Variants in CARMIL1 observed in about 807,000 individuals in gnomAD.
CARMIL1 encodes the protein F-actin-uncapping protein LRRC16A.
Under a neutral mutation model 177.1 loss-of-function variants are expected in CARMIL1, and 90 were observed. That is an observed-to-expected ratio of 0.51 (90% CI 0.43 to 0.61). The LOEUF is 0.61. CARMIL1 is among the 20% of genes least tolerant of loss of function. The pLI, the probability that CARMIL1 is intolerant of heterozygous loss-of-function variation, is 0.00. For missense variants in CARMIL1, 1,380 were observed against 1,667.0 expected, an observed-to-expected ratio of 0.83 and a Z score of 3.00; for synonymous variants, 577 against 606.2, an observed-to-expected ratio of 0.95 and a Z score of 0.71.
chr6:25,466,611 C>T (rs1156730300), intron 9 of CARMIL1, among the ~76,000 whole-genome samples: 1 of 152,146 alleles, frequency 6.6e-6, no homozygotes, highest in Non-Finnish European at 1.5e-5. Flanking sequence ...TATATGTTTT[C>T]CTGGAGACTC....
intron 36 of CARMIL1, among the ~76,000 whole-genome samples, chr6:25,613,217 C>T (rs1047373159): frequency 3.3e-5 from 5 of 152,118 alleles, no homozygotes; most frequent in Non-Finnish European, 7.3e-5. Context: ...TATATCTTTA[C>T]TCTCCTGTTA....
chr6:25,311,694 T>A, intron 2 of CARMIL1, among the ~76,000 whole-genome samples: 1 of 148,556 alleles, frequency 6.7e-6, no homozygotes, highest in Non-Finnish European at 1.5e-5. Flanking sequence ...CCCCCCAACC[T>A]GCAAAGGTAC....
intron 3 of CARMIL1, chr6:25,420,376 C>T (rs916637434): frequency 1.8e-6 from 1 of 555,388 alleles, no homozygotes. Context: ...CCCAGAAGCA[C>T]CTAAAGGCTG....
chr6:25,573,407 T>A (rs997852555), intron 29 of CARMIL1, among the ~76,000 whole-genome samples: 23 of 152,076 alleles, frequency 1.5e-4, no homozygotes, highest in African/African-American at 5.3e-4. Context: ...ACACACCTGT[T>A]TCTATTCTAA....
rs879931159 is a variant in CARMIL1, at chr6:25,290,787, AC to A, written c.138+5885del. Among the ~76,000 whole-genome samples the A allele has an allele frequency of 1.9e-3, 291 of 150,658 alleles. 1 individual carries two copies. Among genetic ancestry groups the A allele is most frequent in the Non-Finnish European group, 3.6e-3 (246 of 67,630 alleles). On this transcript the variant is annotated intron_variant, in intron 2 of 36. Transcript: ENST00000329474. ...CTTTTGAAAAGTTAATCTGAAATCC[AC>A]CCCCCCGGCCCCTGAACGACAGGGT...
At position 25,463,205 on chromosome 6, in the gene CARMIL1, T is replaced by C. The variant is rs539578547; in HGVS notation, c.615-2668T>C. Among the ~76,000 whole-genome samples the C allele has an allele frequency of 2.0e-5, 3 of 152,344 alleles. No individual in the cohort carries two copies. In the East Asian group the frequency reaches 5.8e-4, roughly 29 times the overall value. ...AATATCACCTTGAATGCTAACAAGG[T>C]ATCCTTATGACATTTGGCTATATTT... On this transcript the variant is annotated intron_variant, in intron 8 of 36. Coordinates refer to ENST00000329474, the MANE Select transcript of CARMIL1 (RefSeq NM_017640.6).
At chr6:25,337,189 A>G (rs1030714382) in intron 2 of CARMIL1, among the ~76,000 whole-genome samples, 18 of 152,240 alleles carry the variant, frequency 1.2e-4, no homozygotes, top group African/African-American at 3.9e-4. Context: ...CCTTATTGCC[A>G]TACAGCTCTC....
intron 2 of CARMIL1, among the ~76,000 whole-genome samples, chr6:25,371,226 G>A (rs919531389): frequency 2.0e-5 from 3 of 152,150 alleles, no homozygotes; most frequent in East Asian, 1.9e-4. Flanking sequence ...ATGTGTGCAC[G>A]TGTCTTTTTG....
rs1376616098 is a variant in CARMIL1, at chr6:25,290,376, T to TC, written c.138+5467_138+5468insC. On this transcript the variant is annotated intron_variant, in intron 2 of 36. Coordinates refer to ENST00000329474, the MANE Select transcript of CARMIL1 (RefSeq NM_017640.6). ...TCCCAAAGTGCTGGGATTCTTTTTT[T>TC]TTTTTTTTTTTTTTTTGAGAACTAA... Among the ~76,000 whole-genome samples, 4 of 141,608 alleles carry TC rather than the reference T, an allele frequency of 2.8e-5. 1 individual carries two copies. The highest frequency in any genetic ancestry group is 1.0e-4 in the African/African-American group (4 of 39,214). The allele number at this position is 141,608 out of a possible 152,430, so 92.9% of individuals were successfully genotyped here. A position where few individuals can be genotyped will look rare whatever the true frequency, so the allele number is the denominator to read the frequency against.
intron 23 of CARMIL1, among the ~76,000 whole-genome samples, chr6:25,528,081 A>G (rs1807342412): frequency 6.6e-6 from 1 of 152,188 alleles, no homozygotes. Flanking sequence ...TATTTATTGC[A>G]TATTCTTCTT....
intron 2 of CARMIL1, among the ~76,000 whole-genome samples, chr6:25,384,792 A>G (rs1210880110): frequency 6.6e-6 from 1 of 152,248 alleles, no homozygotes; most frequent in Non-Finnish European, 1.5e-5. Flanking sequence ...TATAAATTCT[A>G]TAATCATTGC....
At chr6:25,525,825 G>A (rs113822698) in intron 23 of CARMIL1, among the ~76,000 whole-genome samples, 2,925 of 152,164 alleles carry the variant, frequency 0.019, 72 homozygotes, top group African/African-American at 0.058. Context: ...TATAATTGAT[G>A]AACTAGGAAA....
At chr6:25,314,521 CA>C (rs1273983786) in intron 2 of CARMIL1, among the ~76,000 whole-genome samples, 1 of 120,012 alleles carries the variant, frequency 8.3e-6, no homozygotes, top group East Asian at 3.7e-4. Flanking sequence ...ACAATACATA[CA>C]TACACATATA....
chr6:25,398,198 T>C (rs9348676), intron 2 of CARMIL1, among the ~76,000 whole-genome samples: 33,444 of 152,140 alleles, frequency 0.22, 4,248 homozygotes, highest in Non-Finnish European at 0.29. Flanking sequence ...TTTTACTTCC[T>C]ATAGTAAGAC....
At chr6:25,420,424 C>G in intron 3 of CARMIL1, 1 of 416,990 alleles carries the variant, frequency 2.4e-6, no homozygotes, top group African/African-American at 2.0e-5. Context: ...TGTTCCCTCT[C>G]TTTGTGTAAA....
At chr6:25,412,660 G>A (rs1285221252) in intron 2 of CARMIL1, among the ~76,000 whole-genome samples, 2 of 152,108 alleles carry the variant, frequency 1.3e-5, no homozygotes, top group Non-Finnish European at 1.5e-5. Flanking sequence ...ATGGAGCTTG[G>A]TTTCAAACCC....
Position 25,515,796 on chromosome 6 carries a change from A to G in CARMIL1, c.1754A>G (p.Asp585Gly). 6.2e-7 allele frequency: 1 copy of G among 1,611,656 alleles called. No individual in the cohort carries two copies. The highest frequency in any genetic ancestry group is 1.1e-5 in the South Asian group (1 of 90,234). Residue 585 changes from aspartate to glycine, a missense_variant, in exon 21 of 37, where the codon GAC (aspartate) becomes GGC (glycine). Transcript: ENST00000329474. The surrounding 1 kb of genome is among the most constrained non-coding windows in gnomAD (Gnocchi z 5.0). The stretch of plus-strand genomic sequence containing the variant: ...GACATTAGCGGCAACGGAATGGGGG[A>G]CATGGGAGCGAAGATGCTGGCCAAA... ...KVDISGNGMGDMGAKMLAKAL... is the reference protein window; with the variant it reads ...KVDISGNGMGGMGAKMLAKAL...
At chr6:25,426,341 G>GATATTA (rs1562120245) in intron 3 of CARMIL1, among the ~76,000 whole-genome samples, 160 bp from the exon 4 acceptor site, 1 of 151,122 alleles carries the variant, frequency 6.6e-6, no homozygotes, top group Non-Finnish European at 1.5e-5. Context: ...AATGAATGGA[G>GATATTA]ATATTAAACC....
At chr6:25,482,123 A>G in intron 11 of CARMIL1, 134 bp from the exon 12 acceptor site, 1 of 608,856 alleles carries the variant, frequency 1.6e-6, no homozygotes, top group Non-Finnish European at 2.9e-6. Context: ...AAATGTTTAG[A>G]AAACAAAGTC....
Sources: allele counts gnomAD v4.1 joint callset (sites outside exome capture counted in the v4.1 genomes callset), GRCh38; gene constraint gnomAD v4.1.1; non-coding constraint Gnocchi (gnomAD v3.1); transcripts MANE v1.5; gene names NCBI Gene and HGNC (gene_info 2026-07-23, HGNC 2026-07-21).